PCDHA12: variants seen among roughly 807,000 people sequenced by gnomAD.
The protein encoded by PCDHA12 is protocadherin alpha 12.
In PCDHA12, 44 loss-of-function variants were observed where a neutral mutation model predicts 60.0. That is an observed-to-expected ratio of 0.73 (90% confidence interval 0.58 to 0.94). The LOEUF (loss-of-function observed/expected upper bound fraction) is 0.94, where lower values mean the gene tolerates loss of function less well. PCDHA12 is among the 40% of genes least tolerant of loss of function. The probability of loss-of-function intolerance (pLI) is 0.00; values close to 1 mark genes in which losing one functional copy is unlikely to be tolerated. For missense variants in PCDHA12, 1,276 were observed against 1,239.7 expected (o/e 1.03, Z -0.44); for synonymous variants, 569 against 553.0 (o/e 1.03, Z -0.40).
intron 1 of PCDHA12, chr5:140,927,019 T>C: frequency 6.2e-7 from 1 of 1,612,660 alleles, no homozygotes; most frequent in Non-Finnish European, 8.5e-7. Flanking sequence ...CTCCGCGGAC[T>C]TGAGGCTGCC....
chr5:140,929,352 C>T (rs782815841), intron 1 of PCDHA12: 8 of 1,526,758 alleles, frequency 5.2e-6, no homozygotes, highest in Admixed American at 2.1e-5. Flanking sequence ...GAATTTGATT[C>T]CTTTGGCCCG....
At chr5:140,910,699 C>T (rs2075133738) in intron 1 of PCDHA12, among the ~76,000 whole-genome samples, 1 of 152,180 alleles carries the variant, frequency 6.6e-6, no homozygotes. Flanking sequence ...AGCTTGCTCA[C>T]AGTGGGCCAT....
intron 1 of PCDHA12, chr5:140,883,595 G>C: frequency 6.2e-7 from 1 of 1,614,036 alleles, no homozygotes; most frequent in Non-Finnish European, 8.5e-7. Flanking sequence ...CAGCGTGTCG[G>C]TGGGGGTGGC....
chr5:141,000,421 ATT>A (rs34755515), intron 3 of PCDHA12, among the ~76,000 whole-genome samples: 627 of 27,724 alleles, frequency 0.023, 1 homozygote, highest in Middle Eastern at 0.071. Context: ...ATATATATAT[ATT>A]TTTTTTTTTT....
At chr5:141,005,302 G>T (rs940194498) in intron 3 of PCDHA12, among the ~76,000 whole-genome samples, 1 of 152,160 alleles carries the variant, frequency 6.6e-6, no homozygotes, top group Non-Finnish European at 1.5e-5. Context: ...TTGCCTTTGT[G>T]AATCTTACAG....
At chr5:140,943,592 T>C (rs900549060) in intron 1 of PCDHA12, among the ~76,000 whole-genome samples, 2 of 152,152 alleles carry the variant, frequency 1.3e-5, no homozygotes, top group African/African-American at 2.4e-5. Flanking sequence ...TGGGGCTGAA[T>C]TCTAAATATA....
intron 1 of PCDHA12, among the ~76,000 whole-genome samples, chr5:140,950,176 T>G (rs1221821328): frequency 6.6e-6 from 1 of 151,976 alleles, no homozygotes; most frequent in Non-Finnish European, 1.5e-5. Flanking sequence ...TTTAGAGAAT[T>G]AAGAAGGAAA....
At chr5:140,979,078 A>G (rs2240296) in intron 2 of PCDHA12, 71 bp downstream of exon 2, 2 of 1,583,496 alleles carry the variant, frequency 1.3e-6, no homozygotes, top group East Asian at 4.5e-5. Flanking sequence ...CTGCATCTCC[A>G]TAGGCCAGAA....
intron 1 of PCDHA12, chr5:140,882,976 T>G: frequency 1.2e-6 from 2 of 1,614,220 alleles, no homozygotes; most frequent in Non-Finnish European, 1.7e-6. Flanking sequence ...TGGACGTGAA[T>G]GACAACGCCC....
chr5:140,984,641 C>T (rs2153834832), intron 3 of PCDHA12, among the ~76,000 whole-genome samples: 1 of 152,276 alleles, frequency 6.6e-6, no homozygotes, highest in South Asian at 2.1e-4. Context: ...TCTCTGCCTT[C>T]TCCCTGTCCT....
At chr5:140,951,373 C>T (rs1554219872) in intron 1 of PCDHA12, among the ~76,000 whole-genome samples, 1 of 151,996 alleles carries the variant, frequency 6.6e-6, no homozygotes, top group Non-Finnish European at 1.5e-5. Context: ...AAAGAAACAC[C>T]CAAGACTCGG....
chr5:140,928,217 C>T, intron 1 of PCDHA12: 2 of 1,614,212 alleles, frequency 1.2e-6, no homozygotes, highest in Non-Finnish European at 1.7e-6. Flanking sequence ...AATGACAATA[C>T]ACCAAACTTT....
intron 1 of PCDHA12, chr5:140,882,709 T>G (rs782343997): frequency 6.2e-7 from 1 of 1,614,022 alleles, no homozygotes; most frequent in Non-Finnish European, 8.5e-7. Flanking sequence ...AATCTAGACC[T>G]CCGGAAACTC....
chr5:140,996,524 C>A (rs1303736536), intron 3 of PCDHA12, among the ~76,000 whole-genome samples: 3 of 152,048 alleles, frequency 2.0e-5, no homozygotes, highest in African/African-American at 7.2e-5. Flanking sequence ...TTAGAAAGGC[C>A]CTGTGTGTTT....
intron 3 of PCDHA12, among the ~76,000 whole-genome samples, chr5:140,989,839 A>G (rs2097362613): frequency 6.6e-6 from 1 of 152,166 alleles, no homozygotes; most frequent in Admixed American, 6.5e-5. Context: ...CCTGTCAATG[A>G]GTGTGTGGAC....
chr5:140,921,098 A>G (rs1007745080), intron 1 of PCDHA12, among the ~76,000 whole-genome samples: 2 of 151,708 alleles, frequency 1.3e-5, no homozygotes, highest in South Asian at 2.1e-4. Context: ...CTCCTGCCTC[A>G]GTCTCCTAAG....
intron 1 of PCDHA12, chr5:140,882,621 AT>A (rs1447184799): frequency 1.2e-6 from 2 of 1,614,094 alleles, no homozygotes; most frequent in Non-Finnish European, 1.7e-6. Flanking sequence ...CAGGTTTTCC[AT>A]GTGGAGGTGA....
intron 1 of PCDHA12, among the ~76,000 whole-genome samples, chr5:140,915,282 T>C (rs2077058994): frequency 2.0e-5 from 3 of 152,152 alleles, no homozygotes; most frequent in South Asian, 2.1e-4. Flanking sequence ...CATCATTTAC[T>C]CTTTCTACTT....
intron 1 of PCDHA12, among the ~76,000 whole-genome samples, chr5:140,887,345 C>A (rs1286436995): frequency 6.6e-6 from 1 of 152,140 alleles, no homozygotes; most frequent in Non-Finnish European, 1.5e-5. Context: ...ATCCACCTGG[C>A]TCGGCCTCCC....
Sources: gnomAD v4.1 joint callset for allele counts (sites outside exome capture counted in the v4.1 genomes callset) on GRCh38, gnomAD v4.1.1 for gene constraint, MANE v1.5 for transcripts, NCBI Gene and HGNC (gene_info 2026-07-23, HGNC 2026-07-21) for gene names.